IPPK: variants seen among roughly 807,000 people sequenced by gnomAD.
IPPK encodes IPK1 homolog.
A neutral mutation model predicts 64.6 loss-of-function variants in IPPK; 22 were observed. The ratio of observed to expected loss-of-function variants is 0.34; its 90% CI spans 0.24 to 0.49. The LOEUF is 0.49. Ranked by LOEUF, IPPK falls within the 20% of genes least tolerant of loss-of-function variation. The pLI is 0.99. For synonymous variants in IPPK, 262 were observed against 247.2 expected (o/e 1.06, Z -0.56); for missense variants, 532 against 630.7 (o/e 0.84, Z 1.68).
At chr9:92,658,743 T>G in intron 1 of IPPK, 62 bp from the exon 2 acceptor site, 5 of 1,472,124 alleles carry the variant, frequency 3.4e-6, no homozygotes, top group Non-Finnish European at 4.7e-6. Context: ...AAGGTGTCAG[T>G]CAGTTTGGGG....
chr9:92,665,055 A>G (rs1218069269), intron 1 of IPPK, among the ~76,000 whole-genome samples: 2 of 152,324 alleles, frequency 1.3e-5, no homozygotes, highest in East Asian at 1.9e-4. Context: ...AGGAATAAAC[A>G]AAGAGCGAGC....
chr9:92,659,283 A>C (rs551634076), intron 1 of IPPK, among the ~76,000 whole-genome samples: 11 of 152,324 alleles, frequency 7.2e-5, no homozygotes, highest in African/African-American at 2.6e-4. Flanking sequence ...TGGTCAGAGG[A>C]TTATGGGTCC....
At chr9:92,651,643 T>C (rs895072550) in intron 4 of IPPK, among the ~76,000 whole-genome samples, 2 of 152,204 alleles carry the variant, frequency 1.3e-5, no homozygotes, top group Non-Finnish European at 2.9e-5. Context: ...ACCCTTCCCG[T>C]TCCTAAGTCT....
chr9:92,652,596 A>G lies in IPPK; in HGVS notation c.269T>C (p.Leu90Ser). The change falls in exon 4 of 13, where the codon TTA becomes TCA. Residue 90 changes from leucine (L) to serine (S), a missense_variant. Transcript: ENST00000287996. The part of the protein sequence containing the change: ...LPLEFVKQLC[L>S]KIQSERPESR... ...ACCTGGTCTTTCAGATTGTATCTTT[A>G]AACAAAGCTGTTTCACAAACTCTAA... The G allele has an allele frequency of 6.4e-7, 1 of 1,571,126 alleles. No homozygotes were observed. The highest frequency in any genetic ancestry group is 8.7e-7 in the Non-Finnish European group (1 of 1,148,984).
At chr9:92,669,219 A>G (rs1852671780) in intron 1 of IPPK, among the ~76,000 whole-genome samples, 1 of 151,948 alleles carries the variant, frequency 6.6e-6, no homozygotes, top group African/African-American at 2.4e-5. Flanking sequence ...GTTGTACCAG[A>G]CAGCAAAAGG....
chr9:92,655,643 C>T (rs1404771805), intron 3 of IPPK, among the ~76,000 whole-genome samples: 1 of 151,552 alleles, frequency 6.6e-6, no homozygotes, highest in Non-Finnish European at 1.5e-5. Flanking sequence ...ACGAGTCCTC[C>T]TGCCACAGAG....
At chr9:92,657,655 G>C (rs1852400115) in intron 2 of IPPK, among the ~76,000 whole-genome samples, 1 of 152,166 alleles carries the variant, frequency 6.6e-6, no homozygotes, top group Non-Finnish European at 1.5e-5. Flanking sequence ...AAACCACCTA[G>C]GCCTATTTCT....
chr9:92,643,994 A>G (rs1453174767), intron 6 of IPPK, among the ~76,000 whole-genome samples: 1 of 152,244 alleles, frequency 6.6e-6, no homozygotes, highest in Non-Finnish European at 1.5e-5. Flanking sequence ...CATCTGTCAC[A>G]TATGTTGAAA....
At chr9:92,626,356 C>T (rs1377786490) in intron 11 of IPPK, among the ~76,000 whole-genome samples, 3 of 152,120 alleles carry the variant, frequency 2.0e-5, no homozygotes, top group Non-Finnish European at 4.4e-5. Flanking sequence ...AAGATCGCAC[C>T]ACTGCACTCC....
At position 92,658,701 on chromosome 9, in the gene IPPK, A is replaced by G. The variant is rs10992393; in HGVS notation, c.82-20T>C. The G allele has an allele frequency of 0.25, 407,765 of 1,609,436 alleles. 56,267 individuals are homozygous for G. The highest frequency in any genetic ancestry group is 0.4 in the African/African-American group (29,880 of 74,870). ...GCAGCGCTGTTGGAAAATAAAACAA[A>G]TCTGATTAGTATTTGCTCAAAGCCA... On this transcript the variant is annotated intron_variant, in intron 1 of 12. Coordinates refer to ENST00000287996, the MANE Select transcript of IPPK (RefSeq NM_022755.6).
intron 9 of IPPK, among the ~76,000 whole-genome samples, chr9:92,636,418 C>T (rs1324021768): frequency 6.6e-6 from 1 of 152,158 alleles, no homozygotes; most frequent in Non-Finnish European, 1.5e-5. Context: ...TGGCAGATTG[C>T]TTGAGCCCAG....
chr9:92,651,296 A>G (rs1852262062), intron 4 of IPPK, among the ~76,000 whole-genome samples: 2 of 152,084 alleles, frequency 1.3e-5, no homozygotes, highest in African/African-American at 2.4e-5. Context: ...TCCACCCTCA[A>G]CTCACGAAAT....
At position 92,644,153 on chromosome 9, in the gene IPPK, C is replaced by T. The variant is rs79783264; in HGVS notation, c.505-1343G>A. Among the ~76,000 whole-genome samples, 768 of 152,126 alleles carry T rather than the reference C, an allele frequency of 5.0e-3. 42 individuals are homozygous for T. The East Asian group carries it at 0.12, about 24-fold the overall frequency. On this transcript the variant is annotated intron_variant, in intron 6 of 12. Transcript: ENST00000287996. ...AGCAATGACCTCCAGAAATTCTCTC[C>T]TCTGTAAAGGCAATCAGAAAACTGG...
At chr9:92,638,641 A>C (rs1851989985) in intron 8 of IPPK, among the ~76,000 whole-genome samples, 2 of 152,168 alleles carry the variant, frequency 1.3e-5, no homozygotes, top group Admixed American at 1.3e-4. Context: ...TTACTCAAGA[A>C]CCTGAGGGCC....
chr9:92,649,943 T>C (rs764371091), intron 4 of IPPK, among the ~76,000 whole-genome samples: 5 of 151,216 alleles, frequency 3.3e-5, no homozygotes, highest in Non-Finnish European at 2.9e-5. Context: ...GGAGAATTGC[T>C]TGAACCCTAG....
At chr9:92,669,117 T>C (rs967823562) in intron 1 of IPPK, among the ~76,000 whole-genome samples, 2 of 152,142 alleles carry the variant, frequency 1.3e-5, no homozygotes, top group African/African-American at 4.8e-5. Flanking sequence ...TCCTGTGCCT[T>C]TAACACCCAT....
chr9:92,614,752 T>G lies in IPPK; in HGVS notation c.*1080A>C, dbSNP rs1445915494. On this transcript the variant is annotated 3_prime_UTR_variant, in exon 13 of 13. Transcript: ENST00000287996. Reference sequence around the variant, plus strand: ...ATAAATAAGTCTGTACAACCTAGCATAGAATAAAAAACTGAAACCAAGATT... The same window carrying G: ...ATAAATAAGTCTGTACAACCTAGCAGAGAATAAAAAACTGAAACCAAGATT... 1 of 152,600 alleles carries G rather than the reference T, an allele frequency of 6.6e-6. No individual in the cohort carries two copies. Among genetic ancestry groups the G allele is most frequent in the Non-Finnish European group, 1.5e-5 (1 of 68,038 alleles). 9.5% of individuals were successfully genotyped at this position (152,600 alleles called of 1,614,324 possible).
rs545729225 is a variant in IPPK, at chr9:92,643,457, A to G, written c.505-647T>C. 2.0e-5 allele frequency among the ~76,000 whole-genome samples: 3 copies of G among 152,330 alleles called. No homozygotes were observed. In the East Asian group the frequency reaches 5.8e-4, roughly 29 times the overall value. On this transcript the variant is annotated intron_variant, in intron 6 of 12. Coordinates refer to ENST00000287996, the MANE Select transcript of IPPK (RefSeq NM_022755.6). ...TAGTGGGACCAGCACATAGCAAACAATTTATTGAATGAAGAAATGCATAAA... is the reference window on the plus strand; with the variant it reads ...TAGTGGGACCAGCACATAGCAAACAGTTTATTGAATGAAGAAATGCATAAA...
chr9:92,615,664 G>A lies in IPPK; in HGVS notation c.*168C>T. 1 of 590,334 alleles carries A rather than the reference G, an allele frequency of 1.7e-6. No homozygotes were observed. Among genetic ancestry groups the A allele is most frequent in the Non-Finnish European group, 3.0e-6 (1 of 331,638 alleles). The allele number at this position is 590,334 out of a possible 1,614,324, so 36.6% of individuals were successfully genotyped here. On this transcript the variant is annotated 3_prime_UTR_variant, in exon 13 of 13. Coordinates refer to ENST00000287996, the MANE Select transcript of IPPK (RefSeq NM_022755.6). ...ACTTCCTACATTCCTTGTCCAGGAAGTTGTTTCTAGTGCTCTTCAATTCCA... is the reference window on the plus strand; with the variant it reads ...ACTTCCTACATTCCTTGTCCAGGAAATTGTTTCTAGTGCTCTTCAATTCCA...
Sources: allele counts gnomAD v4.1 joint callset (sites outside exome capture counted in the v4.1 genomes callset), GRCh38; gene constraint gnomAD v4.1.1; transcripts MANE v1.5; gene names NCBI Gene and HGNC (gene_info 2026-07-23, HGNC 2026-07-21).